Variants in NDFIP1 observed in about 807,000 individuals in gnomAD.
The protein encoded by NDFIP1 is Nedd4 family interacting protein 1.
Under a neutral mutation model 28.8 loss-of-function variants are expected in NDFIP1, and 7 were observed. The observed-to-expected ratio is 0.24, with a 90% confidence interval of 0.14 to 0.46. The LOEUF is 0.46. Among genes scored for constraint, NDFIP1 ranks in the 20% least tolerant of loss-of-function variants. The pLI, the probability that NDFIP1 is intolerant of heterozygous loss-of-function variation, is 0.99. For synonymous variants in NDFIP1, 92 were observed against 101.0 expected (o/e 0.91, Z 0.53); for missense variants, 194 against 269.1 (o/e 0.72, Z 1.95).
At chr5:142,136,909 C>A (rs964914794) in intron 4 of NDFIP1, among the ~76,000 whole-genome samples, 9 of 83,632 alleles carry the variant, frequency 1.1e-4, no homozygotes, top group African/African-American at 5.3e-4. Context: ...CTACTAAAAA[C>A]AAAAATTAGC....
In NDFIP1 at chr5:142,153,474, G is replaced by A. The variant is rs761271652; in HGVS notation, c.*1746G>A. ...TTTGAAAGCCAAACAGGAAAATTAG[G>A]AGCCTCCTGGATTGACATTTCAATG... On this transcript the variant is annotated 3_prime_UTR_variant, in exon 8 of 8. Coordinates refer to ENST00000253814, the MANE Select transcript of NDFIP1 (RefSeq NM_030571.4). 1.1e-5 allele frequency: 5 copies of A among 454,868 alleles called. No individual in the cohort carries two copies. The highest frequency in any genetic ancestry group is 2.2e-5 in the Non-Finnish European group (5 of 225,496). The allele number at this position is 454,868 out of a possible 1,614,324, so 28.2% of individuals were successfully genotyped here. A position where few individuals can be genotyped will look rare whatever the true frequency, so the allele number is the denominator to read the frequency against.
intron 4 of NDFIP1, among the ~76,000 whole-genome samples, chr5:142,137,162 T>G (rs7725157): frequency 0.11 from 16,114 of 151,888 alleles, 1,197 homozygotes; most frequent in East Asian, 0.37. Flanking sequence ...TTTTTTTTGC[T>G]TTTTCCTTTT....
chr5:142,150,277 TC>T (rs1267956381), intron 7 of NDFIP1, among the ~76,000 whole-genome samples: 1 of 151,936 alleles, frequency 6.6e-6, no homozygotes, highest in East Asian at 1.9e-4. Flanking sequence ...CATTTAATAT[TC>T]ATCTGCCAAT....
Position 142,131,836 on chromosome 5 carries a change from C to G in NDFIP1, c.92C>G (p.Pro31Arg), listed in dbSNP as rs1561601638. ...CAGAATGAAGAAGAGTCTGGAGAAC[C>G]TGAACAGGCTGCAGGTGATGCTCCT... ...QLQNEEESGE[P>R]EQAAGDAPPP... Residue 31 changes from proline to arginine, a missense_variant, in exon 2 of 8, where the codon CCT becomes CGT. By Grantham distance (103) the Pro-to-Arg change is moderately radical. Coordinates refer to ENST00000253814, the MANE Select transcript of NDFIP1 (RefSeq NM_030571.4). 5 of 1,593,840 alleles carry G rather than the reference C, an allele frequency of 3.1e-6. No homozygotes were observed. The highest frequency in any genetic ancestry group is 4.3e-6 in the Non-Finnish European group (5 of 1,173,550).
At chr5:142,144,530 G>T in intron 6 of NDFIP1, 41 bp from the exon 7 acceptor site, 1 of 1,458,254 alleles carries the variant, frequency 6.9e-7, no homozygotes, top group East Asian at 2.3e-5. Flanking sequence ...ACTTAACATG[G>T]AAATTATAAA....
chr5:142,135,837 A>G lies in NDFIP1; in HGVS notation c.370+20A>G, dbSNP rs766392235. 2 of 1,557,186 alleles carry G rather than the reference A, an allele frequency of 1.3e-6. No homozygotes were observed. Among genetic ancestry groups the G allele is most frequent in the African/African-American group, 2.7e-5 (2 of 73,816 alleles). The stretch of plus-strand genomic sequence containing the variant: ...TTTTCAGTAAGTATGTATGCATATC[A>G]GAACCACCCCCTACAAACTAGAGTG... On this transcript the variant is annotated intron_variant, in intron 4 of 7. Coordinates refer to ENST00000253814, the MANE Select transcript of NDFIP1 (RefSeq NM_030571.4).
intron 7 of NDFIP1, among the ~76,000 whole-genome samples, chr5:142,150,348 G>T (rs929273582): frequency 7.3e-5 from 11 of 151,094 alleles, no homozygotes; most frequent in Non-Finnish European, 1.6e-4. Context: ...CTCTGTCTCT[G>T]TGCTTTCCGA....
At chr5:142,145,544 A>G (rs1456621397) in intron 7 of NDFIP1, among the ~76,000 whole-genome samples, 1 of 152,112 alleles carries the variant, frequency 6.6e-6, no homozygotes, top group African/African-American at 2.4e-5. Flanking sequence ...GTCTTAGGCA[A>G]AGCATTATAA....
Position 142,153,092 on chromosome 5 carries a change from T to C in NDFIP1, c.*1364T>C. Reference sequence around the variant, plus strand: ...AATTTTAGATAATTTATTTCCAGTGTTTTCTGCATGTTCTCATTTGTTCTT... The same window carrying C: ...AATTTTAGATAATTTATTTCCAGTGCTTTCTGCATGTTCTCATTTGTTCTT... On this transcript the variant is annotated 3_prime_UTR_variant, in exon 8 of 8. Transcript: ENST00000253814. 2.9e-6 allele frequency: 1 copy of C among 340,170 alleles called. No individual in the cohort carries two copies. Among genetic ancestry groups the C allele is most frequent in the Non-Finnish European group, 5.8e-6 (1 of 172,696 alleles). The allele number at this position is 340,170 out of a possible 1,614,324, so 21.1% of individuals were successfully genotyped here.
chr5:142,148,520 G>T (rs936615226), intron 7 of NDFIP1, among the ~76,000 whole-genome samples: 1 of 152,120 alleles, frequency 6.6e-6, no homozygotes, highest in Non-Finnish European at 1.5e-5. Flanking sequence ...GGAGGCCGAG[G>T]TGGGCAGGTC....
chr5:142,118,758 T>G (rs1042858500), intron 1 of NDFIP1, among the ~76,000 whole-genome samples: 1 of 152,244 alleles, frequency 6.6e-6, no homozygotes, highest in Admixed American at 6.5e-5. Context: ...GATAATTTGT[T>G]TAGTATTTAT....
chr5:142,128,888 T>C (rs1373134341), intron 1 of NDFIP1, among the ~76,000 whole-genome samples: 1 of 152,178 alleles, frequency 6.6e-6, no homozygotes, highest in African/African-American at 2.4e-5. Context: ...TCTTTTACTA[T>C]GGTGGGGGAT....
intron 5 of NDFIP1, among the ~76,000 whole-genome samples, chr5:142,138,383 G>T (rs531032283): frequency 6.6e-6 from 1 of 152,336 alleles, no homozygotes; most frequent in Non-Finnish European, 1.5e-5. Flanking sequence ...TTACAGAGAT[G>T]TATGTCTTTA....
chr5:142,109,734 G>T (rs933363521), intron 1 of NDFIP1, among the ~76,000 whole-genome samples: 2 of 152,304 alleles, frequency 1.3e-5, no homozygotes, highest in Admixed American at 1.3e-4. Context: ...GGGAGGAAAT[G>T]TATAGGAAAT....
At chr5:142,140,665 A>AT in intron 6 of NDFIP1, 36 bp downstream of exon 6, 1 of 1,517,376 alleles carries the variant, frequency 6.6e-7, no homozygotes, top group Non-Finnish European at 9.0e-7. Flanking sequence ...GCAAGAAAAC[A>AT]TTACATTAAA....
At chr5:142,126,376 T>C (rs984119044) in intron 1 of NDFIP1, among the ~76,000 whole-genome samples, 4 of 152,240 alleles carry the variant, frequency 2.6e-5, no homozygotes, top group African/African-American at 9.6e-5. Flanking sequence ...TTTTCTGATA[T>C]TTATTTTTAA....
Position 142,137,609 on chromosome 5 carries a change from C to T in NDFIP1, c.371-125C>T, listed in dbSNP as rs146873774. Reference sequence around the variant, plus strand: ...GGATGTTTTAGAGGAGGTATGGTGACGGTTGTGGAGGACAGGCTGTCTTTT... The same window carrying T: ...GGATGTTTTAGAGGAGGTATGGTGATGGTTGTGGAGGACAGGCTGTCTTTT... On this transcript the variant is annotated intron_variant, in intron 4 of 7. Coordinates refer to ENST00000253814, the MANE Select transcript of NDFIP1 (RefSeq NM_030571.4). 1.9e-3 allele frequency: 2,105 copies of T among 1,105,428 alleles called. 31 individuals carry two copies. The African/African-American group carries it at 0.03, about 16-fold the overall frequency. 68.5% of individuals were successfully genotyped at this position (1,105,428 alleles called of 1,614,324 possible).
At chr5:142,140,522 G>A in intron 5 of NDFIP1, 41 bp from the exon 6 acceptor site, 1 of 1,458,380 alleles carries the variant, frequency 6.9e-7, no homozygotes, top group Non-Finnish European at 9.4e-7. Context: ...GAGAAATTGT[G>A]TCTGTTAAGC....
chr5:142,110,957 C>G (rs921255040), intron 1 of NDFIP1, among the ~76,000 whole-genome samples: 1 of 151,756 alleles, frequency 6.6e-6, no homozygotes, highest in Non-Finnish European at 1.5e-5. Flanking sequence ...AGGTCACAGG[C>G]TGCTAAGTAG....
Sources: gnomAD v4.1 joint callset for allele counts (sites outside exome capture counted in the v4.1 genomes callset) on GRCh38, gnomAD v4.1.1 for gene constraint, MANE v1.5 for transcripts, NCBI Gene and HGNC (gene_info 2026-07-23, HGNC 2026-07-21) for gene names.